RIGI: variants seen among roughly 807,000 people sequenced by gnomAD.
The protein encoded by RIGI is antiviral innate immune response receptor RIG-I.
chr9:32,463,039 C>T, the RIGI span, among the ~76,000 whole-genome samples: 1 of 152,068 alleles, frequency 6.6e-6, no homozygotes, highest in Admixed American at 6.6e-5. Context: ...CACCTGTAGT[C>T]CTAGCTGCTT....
the RIGI span, among the ~76,000 whole-genome samples, chr9:32,486,263 C>T: frequency 6.6e-6 from 1 of 151,926 alleles, no homozygotes; most frequent in South Asian, 2.1e-4. Context: ...ACCAGCCTGG[C>T]CAACATGGTG....
the RIGI span, chr9:32,487,571 A>G: frequency 6.2e-7 from 1 of 1,614,150 alleles, no homozygotes; most frequent in Non-Finnish European, 8.5e-7. Flanking sequence ...TGCAGATATA[A>G]TCCAAGGCTT....
At chr9:32,501,609 C>T in the RIGI span, among the ~76,000 whole-genome samples, 5 of 152,124 alleles carry the variant, frequency 3.3e-5, no homozygotes, top group African/African-American at 1.2e-4. Flanking sequence ...TAACTTTGTA[C>T]ACTAATTTCA....
chr9:32,491,113 G>T, the RIGI span, among the ~76,000 whole-genome samples: 3 of 152,154 alleles, frequency 2.0e-5, no homozygotes, highest in Non-Finnish European at 1.5e-5. Context: ...AAAGATAGTG[G>T]AAGAACTAGG....
At chr9:32,482,319 T>C in the RIGI span, among the ~76,000 whole-genome samples, 8 of 152,168 alleles carry the variant, frequency 5.3e-5, no homozygotes, top group African/African-American at 1.7e-4. Context: ...ATTTCATATA[T>C]TGGGAAACTG....
the RIGI span, chr9:32,459,529 A>C: frequency 6.2e-7 from 1 of 1,600,546 alleles, no homozygotes; most frequent in Non-Finnish European, 8.5e-7. Flanking sequence ...TGCAAAAAGA[A>C]AGACCGCAAA....
At chr9:32,483,407 G>C in the RIGI span, among the ~76,000 whole-genome samples, 3 of 152,156 alleles carry the variant, frequency 2.0e-5, no homozygotes, top group Non-Finnish European at 2.9e-5. Flanking sequence ...GCAGTTTAGA[G>C]ATGAGCAGCT....
At chr9:32,480,940 C>T in the RIGI span, among the ~76,000 whole-genome samples, 2 of 152,164 alleles carry the variant, frequency 1.3e-5, no homozygotes, top group Admixed American at 6.6e-5. Context: ...GAGCATGGGG[C>T]GTCACCAAAG....
At chr9:32,488,211 A>AT in the RIGI span, 4 of 1,611,968 alleles carry the variant, frequency 2.5e-6, no homozygotes, top group Admixed American at 5.0e-5. Flanking sequence ...TACCTGGGAA[A>AT]TGACAGAAAT....
At chr9:32,517,940 T>G in the RIGI span, among the ~76,000 whole-genome samples, 1 of 152,218 alleles carries the variant, frequency 6.6e-6, no homozygotes, top group Non-Finnish European at 1.5e-5. Context: ...GATGTTTGAG[T>G]CATTTCCAAT....
chr9:32,477,211 A>G, the RIGI span: 1 of 1,515,660 alleles, frequency 6.6e-7, no homozygotes, highest in East Asian at 2.3e-5. Context: ...CTATCGTTCA[A>G]ACAGCTGATC....
the RIGI span, among the ~76,000 whole-genome samples, chr9:32,465,652 C>G: frequency 0.49 from 74,830 of 152,008 alleles, 19,051 homozygotes; most frequent in Middle Eastern, 0.63. Flanking sequence ...CATCTTGCAA[C>G]TGATAGAACT....
the RIGI span, chr9:32,525,941 T>G: frequency 7.3e-6 from 6 of 824,188 alleles, no homozygotes; most frequent in African/African-American, 1.7e-5. Flanking sequence ...TGCGGAGATC[T>G]TACCACAAAC....
chr9:32,462,322 C>T, the RIGI span, among the ~76,000 whole-genome samples: 7 of 150,316 alleles, frequency 4.7e-5, no homozygotes, highest in East Asian at 3.9e-4. Context: ...TAATTGGTTA[C>T]GGATCATACA....
At chr9:32,525,231 T>C in the RIGI span, among the ~76,000 whole-genome samples, 6 of 152,174 alleles carry the variant, frequency 3.9e-5, no homozygotes, top group African/African-American at 1.4e-4. Flanking sequence ...CTTCCAGATA[T>C]ACTCTTTTGT....
the RIGI span, among the ~76,000 whole-genome samples, chr9:32,496,461 C>CA: frequency 2.6e-5 from 4 of 152,068 alleles, no homozygotes; most frequent in Non-Finnish European, 5.9e-5. Flanking sequence ...CAAAACAGAA[C>CA]AAAAAGGGAG....
the RIGI span, among the ~76,000 whole-genome samples, chr9:32,469,149 C>CAG: frequency 1.3e-5 from 2 of 151,814 alleles, no homozygotes; most frequent in South Asian, 4.2e-4. Flanking sequence ...GAGGATGGAG[C>CAG]AGAGCCCCCA....
At chr9:32,471,213 C>T in the RIGI span, among the ~76,000 whole-genome samples, 1 of 152,204 alleles carries the variant, frequency 6.6e-6, no homozygotes, top group Non-Finnish European at 1.5e-5. Context: ...GTTCGTGCCA[C>T]TGCACTCTAG....
chr9:32,519,862 T>C, the RIGI span, among the ~76,000 whole-genome samples: 1 of 152,208 alleles, frequency 6.6e-6, no homozygotes, highest in Non-Finnish European at 1.5e-5. Flanking sequence ...CTGATGGGCC[T>C]TCACATGTAT....
Sources: allele counts gnomAD v4.1 joint callset (sites outside exome capture counted in the v4.1 genomes callset), GRCh38; gene constraint gnomAD v4.1.1; transcripts MANE v1.5; gene names NCBI Gene and HGNC (gene_info 2026-07-23, HGNC 2026-07-21).